Variants in MTCL1 observed in about 807,000 individuals in gnomAD.
The protein encoded by MTCL1 is microtubule cross-linking factor 1.
MTCL1 carries 79 observed loss-of-function variants against 141.4 expected under a neutral mutation model. The ratio of observed to expected loss-of-function variants is 0.56; its 90% CI spans 0.47 to 0.67. The LOEUF (loss-of-function observed/expected upper bound fraction) is 0.67. Ranked by LOEUF, MTCL1 falls within the 30% of genes least tolerant of loss-of-function variation. The probability of loss-of-function intolerance (pLI) is 0.00; values close to 1 mark genes in which losing one functional copy is unlikely to be tolerated. For synonymous variants in MTCL1, 914 were observed against 875.8 expected, an observed-to-expected ratio of 1.04 and a Z score of -0.77; for missense variants, 2,177 against 2,113.9, an observed-to-expected ratio of 1.03 and a Z score of -0.59.
At chr18:8,772,734 C>CT in intron 4 of MTCL1, among the ~76,000 whole-genome samples, 1 of 151,586 alleles carries the variant, frequency 6.6e-6, no homozygotes, top group Non-Finnish European at 1.5e-5. Flanking sequence ...TAAATATATG[C>CT]TGTCTGTAAC....
intron 10 of MTCL1, among the ~76,000 whole-genome samples, chr18:8,806,547 T>C (rs2076302297): frequency 6.6e-6 from 1 of 152,134 alleles, no homozygotes. Context: ...TGCAGTTTCC[T>C]TGCTCCTGCT....
intron 4 of MTCL1, among the ~76,000 whole-genome samples, chr18:8,733,393 G>A (rs1394828767): frequency 1.3e-5 from 2 of 151,920 alleles, no homozygotes; most frequent in Non-Finnish European, 2.9e-5. Context: ...TATCTGTGTC[G>A]GCCTCATTTT....
intron 16 of MTCL1, chr18:8,829,536 T>A (rs1308423623): frequency 2.1e-6 from 2 of 971,556 alleles, no homozygotes; most frequent in Admixed American, 1.2e-4. Context: ...AACAACAAAA[T>A]CATCCCCACT....
chr18:8,795,859 C>T (rs2075898336), intron 8 of MTCL1, among the ~76,000 whole-genome samples: 1 of 152,128 alleles, frequency 6.6e-6, no homozygotes, highest in African/African-American at 2.4e-5. Context: ...GTTTGAGTGC[C>T]CAGCTCATGT....
At chr18:8,721,904 T>G (rs1414544278) in intron 4 of MTCL1, among the ~76,000 whole-genome samples, 1 of 151,984 alleles carries the variant, frequency 6.6e-6, no homozygotes, top group African/African-American at 2.4e-5. Context: ...ACATGCTGGG[T>G]GGAGGAGTGA....
At chr18:8,757,695 C>T (rs554150828) in intron 4 of MTCL1, among the ~76,000 whole-genome samples, 5 of 152,214 alleles carry the variant, frequency 3.3e-5, no homozygotes, top group Admixed American at 1.3e-4. Context: ...GACACATTTG[C>T]ATTTTTGAGA....
At chr18:8,738,871 C>T (rs2096286994) in intron 4 of MTCL1, among the ~76,000 whole-genome samples, 1 of 152,102 alleles carries the variant, frequency 6.6e-6, no homozygotes, top group Non-Finnish European at 1.5e-5. Context: ...AGCGAGAGTC[C>T]ACTTAACTCA....
intron 4 of MTCL1, among the ~76,000 whole-genome samples, chr18:8,771,891 A>G (rs534787328): frequency 3.3e-5 from 5 of 152,314 alleles, no homozygotes; most frequent in Admixed American, 6.5e-5. Context: ...CTGTTATTTA[A>G]TAGTCTGCAT....
At chr18:8,797,726 A>G (rs59875081) in intron 9 of MTCL1, among the ~76,000 whole-genome samples, 14,863 of 152,296 alleles carry the variant, frequency 0.098, 1,260 homozygotes, top group African/African-American at 0.21. Flanking sequence ...GCTTCCAACT[A>G]TCCGTGACAT....
At chr18:8,710,855 TTTA>T (rs1301878242) in intron 1 of MTCL1, among the ~76,000 whole-genome samples, 2 of 102,386 alleles carry the variant, frequency 2.0e-5, no homozygotes, top group African/African-American at 8.2e-5. Flanking sequence ...TTTTTTTTTT[TTTA>T]ATCTGTTTTC....
chr18:8,712,439 G>GA (rs2096099116), upstream of MTCL1, among the ~76,000 whole-genome samples: 1 of 152,232 alleles, frequency 6.6e-6, no homozygotes, highest in African/African-American at 2.4e-5. Context: ...GGTGCTCAGT[G>GA]TGGCCTGGGG....
chr18:8,824,950 CAG>C lies in MTCL1; in HGVS notation c.3443_3444del (p.Glu1148AlafsTer63), dbSNP rs2076967970. 6.2e-7 allele frequency: 1 copy of C among 1,613,562 alleles called. No individual in the cohort carries two copies. The highest frequency in any genetic ancestry group is 1.3e-5 in the African/African-American group (1 of 74,936). On this transcript the variant is annotated frameshift_variant, in exon 15 of 17. Coordinates refer to ENST00000359865, the Ensembl canonical transcript of MTCL1. LOFTEE classifies it high-confidence loss of function. Reference sequence around the variant, plus strand: ...GGGCGGGCAGGGCACGAGGACAGCACAGAGCCTTTCCCCGACTCCTCCTGGTA... The same window carrying C: ...GGGCGGGCAGGGCACGAGGACAGCACAGCCTTTCCCCGACTCCTCCTGGTA...
intron 15 of MTCL1, among the ~76,000 whole-genome samples, chr18:8,826,443 G>A (rs922942769): frequency 6.6e-6 from 1 of 152,180 alleles, no homozygotes; most frequent in African/African-American, 2.4e-5. Flanking sequence ...TTATTTTATT[G>A]TCCTTGGGAA....
intron 4 of MTCL1, 133 bp downstream of exon 3, chr18:8,720,629 T>TA (rs1262613218): frequency 2.4e-6 from 2 of 829,264 alleles, no homozygotes; most frequent in Non-Finnish European, 3.7e-6. Flanking sequence ...GCTCATAAGT[T>TA]AGATTGTTTT....
rs777997648 is a variant in MTCL1, at chr18:8,792,992, G to C, written c.1888-6G>C. 3 of 1,613,516 alleles carry C rather than the reference G, an allele frequency of 1.9e-6. No homozygotes were observed. The highest frequency in any genetic ancestry group is 2.5e-6 in the Non-Finnish European group (3 of 1,179,770). On this transcript the variant is annotated splice_polypyrimidine_tract_variant and splice_region_variant and intron_variant, in intron 7 of 16. Coordinates refer to ENST00000359865, the Ensembl canonical transcript of MTCL1. ...ACTAAACCCCTTCCTTTATCCCACC[G>C]ATCAGCTCAGGGGCCCCCCCGTTTT...
intron 10 of MTCL1, among the ~76,000 whole-genome samples, chr18:8,803,486 G>A (rs8094317): frequency 6.2e-4 from 95 of 152,294 alleles, no homozygotes; most frequent in African/African-American, 2.1e-3. Flanking sequence ...GCCTGTGTGC[G>A]AAAGTCATTA....
chr18:8,825,558 A>G, exon 15 of MTCL1: 1 of 1,612,896 alleles, frequency 6.2e-7, no homozygotes, highest in Non-Finnish European at 8.5e-7. Flanking sequence ...TCTCACTCCA[A>G]AGGCTGGGGG....
intron 4 of MTCL1, among the ~76,000 whole-genome samples, chr18:8,763,859 A>G (rs991352491): frequency 4.6e-5 from 7 of 152,198 alleles, no homozygotes; most frequent in Non-Finnish European, 1.0e-4. Flanking sequence ...AATCTGACCC[A>G]CTTACCTCCC....
rs138010375 is a variant in MTCL1, at chr18:8,756,302, A to AGTGT, written c.358-21522_358-21519dup. 1.0e-3 allele frequency among the ~76,000 whole-genome samples: 155 copies of AGTGT among 151,344 alleles called. 3 individuals carry two copies. Among genetic ancestry groups the AGTGT allele is most frequent in the African/African-American group, 3.7e-3 (152 of 41,014 alleles). ...ATTTCAGCCTTAGCCATGAAAAAGA[A>AGTGT]GTGTGTGTGTGTATGTATGTGTGTA... On this transcript the variant is annotated intron_variant, in intron 4 of 16. Coordinates refer to ENST00000359865, the Ensembl canonical transcript of MTCL1.
Sources: allele counts gnomAD v4.1 joint callset (sites outside exome capture counted in the v4.1 genomes callset), GRCh38; gene constraint gnomAD v4.1.1; transcripts MANE v1.5; gene names NCBI Gene and HGNC (gene_info 2026-07-23, HGNC 2026-07-21).